The following MLLT3 variants were observed in gnomAD, a reference collection of about 807,000 sequenced individuals.
MLLT3 encodes the protein protein AF-9.
MLLT3 carries 4 observed loss-of-function variants against 53.2 expected under a neutral mutation model. That is an observed-to-expected ratio of 0.08 (90% CI 0.04 to 0.17). The LOEUF is 0.17. Among genes scored for constraint, MLLT3 ranks in the 10% least tolerant of loss-of-function variants. MLLT3 has a pLI of 1.00. For missense variants in MLLT3, 569 were observed against 684.0 expected (o/e 0.83, Z 1.87); for synonymous variants, 283 against 230.6 (o/e 1.23, Z -2.06).
intron 2 of MLLT3, among the ~76,000 whole-genome samples, chr9:20,608,822 A>G (rs917359003): frequency 6.6e-6 from 1 of 152,008 alleles, no homozygotes; most frequent in African/African-American, 2.4e-5. Context: ...AGAAAACTTG[A>G]AAAAGCCAAC....
At chr9:20,575,603 C>T (rs77880455) in intron 2 of MLLT3, among the ~76,000 whole-genome samples, 2,080 of 152,188 alleles carry the variant, frequency 0.014, 53 homozygotes, top group African/African-American at 0.048. Flanking sequence ...GTAATTTCCT[C>T]GTGTATCTCC....
At chr9:20,568,601 C>A (rs1819446991) in intron 2 of MLLT3, among the ~76,000 whole-genome samples, 1 of 152,136 alleles carries the variant, frequency 6.6e-6, no homozygotes, top group Admixed American at 6.6e-5. Context: ...GAGGGGTACA[C>A]ACCCAAAAAT....
chr9:20,483,501 G>A (rs1175490384), intron 2 of MLLT3, among the ~76,000 whole-genome samples: 5 of 151,624 alleles, frequency 3.3e-5, no homozygotes, highest in Admixed American at 6.6e-5. Flanking sequence ...CCAAAATGCC[G>A]GGATTACAGG....
intron 2 of MLLT3, among the ~76,000 whole-genome samples, chr9:20,605,619 C>T (rs945863183): frequency 6.6e-6 from 1 of 151,902 alleles, no homozygotes; most frequent in African/African-American, 2.4e-5. Context: ...TCAAGTAATT[C>T]GCCTAAAGAA....
intron 5 of MLLT3, among the ~76,000 whole-genome samples, chr9:20,387,092 A>G (rs1384424613): frequency 6.6e-6 from 1 of 152,258 alleles, no homozygotes; most frequent in African/African-American, 2.4e-5. Flanking sequence ...GATCCTCTAT[A>G]GCAAGAGTTG....
intron 2 of MLLT3, among the ~76,000 whole-genome samples, chr9:20,494,971 AGG>A (rs1825047272): frequency 6.6e-6 from 1 of 152,104 alleles, no homozygotes; most frequent in African/African-American, 2.4e-5. Context: ...TCTGGATGAG[AGG>A]TTGGCTTTTA....
intron 4 of MLLT3, among the ~76,000 whole-genome samples, chr9:20,423,446 T>C (rs897951230): frequency 6.6e-6 from 1 of 152,028 alleles, no homozygotes; most frequent in Admixed American, 6.5e-5. Flanking sequence ...GATTAAAAAA[T>C]GCAATGGGCC....
intron 2 of MLLT3, among the ~76,000 whole-genome samples, chr9:20,587,706 A>C (rs534323756): frequency 2.0e-3 from 304 of 151,776 alleles, no homozygotes; most frequent in African/African-American, 6.1e-3. Context: ...TTTTCTTGTA[A>C]ATTTGTTTGA....
rs761476250 is a variant in MLLT3 at position 20,342,313 on chromosome 9, G to C, written c.*4130C>G. On this transcript the variant is annotated 3_prime_UTR_variant, in exon 11 of 11. Coordinates refer to ENST00000380338, the MANE Select transcript of MLLT3 (RefSeq NM_004529.4). ...GGAAATACATCTTACAGTGTGCCTT[G>C]AATTCACACAAAAGCATGTACACAT... The C allele has an allele frequency of 8.0e-5, 18 of 224,940 alleles. No individual in the cohort carries two copies. The highest frequency in any genetic ancestry group is 1.5e-4 in the Non-Finnish European group (17 of 113,104). 13.9% of individuals were successfully genotyped at this position (224,940 alleles called of 1,614,324 possible).
intron 2 of MLLT3, among the ~76,000 whole-genome samples, chr9:20,508,169 T>C (rs1463203586): frequency 6.6e-6 from 1 of 152,212 alleles, no homozygotes; most frequent in Non-Finnish European, 1.5e-5. Context: ...CATAATGTTC[T>C]TATTTATGGT....
At chr9:20,376,396 C>T (rs367779521) in intron 5 of MLLT3, among the ~76,000 whole-genome samples, 26 of 152,324 alleles carry the variant, frequency 1.7e-4, no homozygotes, top group African/African-American at 6.3e-4. Flanking sequence ...ATTACCCTCT[C>T]AACTGTTAGC....
chr9:20,471,630 A>G (rs2118889226), intron 2 of MLLT3, among the ~76,000 whole-genome samples: 1 of 152,178 alleles, frequency 6.6e-6, no homozygotes, highest in East Asian at 1.9e-4. Context: ...TCAATGTAAC[A>G]CATTATTTTA....
intron 2 of MLLT3, among the ~76,000 whole-genome samples, chr9:20,611,508 C>G (rs781492446): frequency 6.6e-6 from 1 of 151,910 alleles, no homozygotes; most frequent in Non-Finnish European, 1.5e-5. Context: ...CTAGTTTTGA[C>G]AAAATCAAAT....
intron 7 of MLLT3, 65 bp from the exon 8 acceptor site, chr9:20,360,906 A>G: frequency 7.2e-7 from 1 of 1,394,858 alleles, no homozygotes; most frequent in Non-Finnish European, 1.0e-6. Flanking sequence ...TACCCATAGA[A>G]ATAGGCGTGG....
intron 2 of MLLT3, among the ~76,000 whole-genome samples, chr9:20,462,049 G>A (rs946978862): frequency 1.7e-4 from 26 of 152,062 alleles, no homozygotes; most frequent in Admixed American, 1.0e-3. Flanking sequence ...CCATCTCTCC[G>A]CACCCAAACT....
intron 5 of MLLT3, among the ~76,000 whole-genome samples, chr9:20,374,716 G>A (rs943369191): frequency 6.6e-6 from 1 of 152,132 alleles, no homozygotes. Context: ...AAATGAGATT[G>A]AACAAACATC....
intron 2 of MLLT3, among the ~76,000 whole-genome samples, chr9:20,613,340 G>A (rs969295285): frequency 1.3e-5 from 2 of 152,098 alleles, no homozygotes; most frequent in Non-Finnish European, 1.5e-5. Flanking sequence ...TCCTCTTCAC[G>A]TTGATTTTAA....
At position 20,620,478 on chromosome 9, in the gene MLLT3, C is replaced by A. The variant is rs1353942804; in HGVS notation, c.193+176G>T. Among the ~76,000 whole-genome samples, 1 of 150,872 alleles carries A rather than the reference C, an allele frequency of 6.6e-6. No individual in the cohort carries two copies. Among genetic ancestry groups the A allele is most frequent in the Non-Finnish European group, 1.5e-5 (1 of 67,646 alleles). On this transcript the variant is annotated intron_variant, in intron 2 of 10. Coordinates refer to ENST00000380338, the MANE Select transcript of MLLT3 (RefSeq NM_004529.4). The surrounding 1 kb of genome is among the most constrained non-coding windows in gnomAD (Gnocchi z 6.1). ...TGACTTTCACCAAGCCGAAGTGGCG[C>A]GCGCGCGGGCAGGCGGGAGCCGGGA...
At chr9:20,374,805 G>A (rs921017650) in intron 5 of MLLT3, among the ~76,000 whole-genome samples, 3 of 152,302 alleles carry the variant, frequency 2.0e-5, no homozygotes, top group African/African-American at 4.8e-5. Flanking sequence ...CTAGTAAGGT[G>A]AGTGATAGGA....
Sources: gnomAD v4.1 joint callset for allele counts (sites outside exome capture counted in the v4.1 genomes callset) on GRCh38, gnomAD v4.1.1 for gene constraint, Gnocchi (gnomAD v3.1) non-coding constraint, MANE v1.5 for transcripts, NCBI Gene and HGNC (gene_info 2026-07-23, HGNC 2026-07-21) for gene names.